The following ZNF804B variants were observed in gnomAD, a reference collection of about 807,000 sequenced individuals.
ZNF804B encodes zinc finger 804B.
Under a neutral mutation model 101.4 loss-of-function variants are expected in ZNF804B, and 80 were observed. The observed-to-expected ratio is 0.79, with a 90% CI of 0.66 to 0.95. The LOEUF (loss-of-function observed/expected upper bound fraction) is 0.95, where lower values mean the gene tolerates loss of function less well. Ranked by LOEUF, ZNF804B falls within the 40% of genes least tolerant of loss-of-function variation. ZNF804B has a pLI of 0.00. For missense variants in ZNF804B, 1,673 were observed against 1,561.9 expected (o/e 1.07, Z -1.20); for synonymous variants, 622 against 558.8 (o/e 1.11, Z -1.59).
At chr7:88,875,417 A>G (rs9655737) in intron 1 of ZNF804B, among the ~76,000 whole-genome samples, 4,318 of 152,298 alleles carry the variant, frequency 0.028, 218 homozygotes, top group African/African-American at 0.098. Context: ...TGCTAGCAAG[A>G]CTAATAAAGA....
chr7:89,039,362 G>A (rs1788979634), intron 1 of ZNF804B, among the ~76,000 whole-genome samples: 1 of 151,762 alleles, frequency 6.6e-6, no homozygotes, highest in Admixed American at 6.6e-5. Context: ...CCATTATTTT[G>A]TGTTCTTTAA....
chr7:89,217,807 A>G (rs920092030), intron 1 of ZNF804B, among the ~76,000 whole-genome samples: 1 of 152,162 alleles, frequency 6.6e-6, no homozygotes, highest in Non-Finnish European at 1.5e-5. Context: ...ATAGGACACT[A>G]AAATTTAAGG....
At chr7:89,058,512 A>C (rs1562872983) in intron 1 of ZNF804B, among the ~76,000 whole-genome samples, 1 of 152,132 alleles carries the variant, frequency 6.6e-6, no homozygotes, top group Admixed American at 6.6e-5. Context: ...CTACTAAACA[A>C]ACACTCTGTT....
intron 2 of ZNF804B, among the ~76,000 whole-genome samples, chr7:89,317,036 G>A (rs1463779152): frequency 1.3e-5 from 2 of 152,270 alleles, no homozygotes; most frequent in Middle Eastern, 3.4e-3. Context: ...CTACAATGGA[G>A]GGAGGTCAGG....
At chr7:89,280,812 A>T (rs975663559) in intron 2 of ZNF804B, among the ~76,000 whole-genome samples, 1 of 152,238 alleles carries the variant, frequency 6.6e-6, no homozygotes, top group Non-Finnish European at 1.5e-5. Context: ...TCACAGCCGA[A>T]TTCTACCAGA....
intron 1 of ZNF804B, among the ~76,000 whole-genome samples, chr7:88,919,108 T>C (rs964015460): frequency 1.3e-5 from 2 of 152,170 alleles, no homozygotes; most frequent in East Asian, 3.8e-4. Context: ...TAAAGCTATA[T>C]GTTTAGATAT....
At chr7:89,155,109 C>A (rs1435718214) in intron 1 of ZNF804B, among the ~76,000 whole-genome samples, 1 of 152,078 alleles carries the variant, frequency 6.6e-6, no homozygotes, top group Non-Finnish European at 1.5e-5. Context: ...TCTAGAGTCA[C>A]CGGCTCCACC....
intron 1 of ZNF804B, among the ~76,000 whole-genome samples, chr7:88,776,091 T>A (rs1790136249): frequency 6.6e-6 from 1 of 152,226 alleles, no homozygotes; most frequent in African/African-American, 2.4e-5. Context: ...GGTTGTTCAC[T>A]TGTGGTGTTA....
chr7:89,010,573 A>C (rs1483651063), intron 1 of ZNF804B, among the ~76,000 whole-genome samples: 1 of 152,210 alleles, frequency 6.6e-6, no homozygotes, highest in Non-Finnish European at 1.5e-5. Context: ...TTGCTCACTG[A>C]AAATAGTTTC....
chr7:88,782,102 C>CGTGT (rs72225764), intron 1 of ZNF804B, among the ~76,000 whole-genome samples: 2,017 of 142,060 alleles, frequency 0.014, 27 homozygotes, highest in African/African-American at 0.036. Flanking sequence ...TGTGTGAGTG[C>CGTGT]GTGTGTGTGT....
At chr7:89,137,435 G>T (rs1790654367) in intron 1 of ZNF804B, among the ~76,000 whole-genome samples, 1 of 152,084 alleles carries the variant, frequency 6.6e-6, no homozygotes, top group Non-Finnish European at 1.5e-5. Context: ...AGATGGAGAT[G>T]AGGAATTTGT....
At chr7:89,105,229 G>A (rs1451827671) in intron 1 of ZNF804B, among the ~76,000 whole-genome samples, 1 of 151,994 alleles carries the variant, frequency 6.6e-6, no homozygotes, top group Non-Finnish European at 1.5e-5. Context: ...CCAGTCTTAA[G>A]GCTTGACCCA....
intron 2 of ZNF804B, among the ~76,000 whole-genome samples, chr7:89,262,179 G>T (rs1014137521): frequency 2.0e-5 from 3 of 152,212 alleles, no homozygotes; most frequent in East Asian, 1.9e-4. Context: ...AGGAGAAAAA[G>T]AATCTATCAA....
intron 1 of ZNF804B, among the ~76,000 whole-genome samples, chr7:88,947,446 A>G (rs1483055795): frequency 1.3e-5 from 2 of 151,844 alleles, no homozygotes; most frequent in Non-Finnish European, 2.9e-5. Flanking sequence ...GTTCTCACTC[A>G]TAAGTGGGAG....
At chr7:89,230,972 C>A (rs1789183949) in intron 2 of ZNF804B, among the ~76,000 whole-genome samples, 1 of 151,946 alleles carries the variant, frequency 6.6e-6, no homozygotes, top group East Asian at 1.9e-4. Flanking sequence ...TTTTACAGTT[C>A]TTCATATATT....
Position 89,192,046 on chromosome 7 carries a change from A to T in ZNF804B, c.109-26109A>T, listed in dbSNP as rs372205962. On this transcript the variant is annotated intron_variant, in intron 1 of 3. Coordinates refer to ENST00000333190, the MANE Select transcript of ZNF804B (RefSeq NM_181646.5). Reference sequence around the variant, plus strand: ...AATATCTGTCTAGAACTTTTCTAAAAATGGGAGCTTAAGGATTCTTATTAG... The same window carrying T: ...AATATCTGTCTAGAACTTTTCTAAATATGGGAGCTTAAGGATTCTTATTAG... Among the ~76,000 whole-genome samples the T allele has an allele frequency of 9.2e-5, 14 of 152,214 alleles. 1 individual carries two copies. In the East Asian group the frequency reaches 2.1e-3, roughly 23 times the overall value.
At chr7:89,095,065 T>C (rs915286573) in intron 1 of ZNF804B, among the ~76,000 whole-genome samples, 1 of 152,198 alleles carries the variant, frequency 6.6e-6, no homozygotes, top group African/African-American at 2.4e-5. Context: ...TTTTGTTGCC[T>C]CCAAAATTCA....
intron 1 of ZNF804B, among the ~76,000 whole-genome samples, chr7:89,150,796 C>T (rs914640632): frequency 1.3e-5 from 2 of 152,012 alleles, no homozygotes; most frequent in Admixed American, 1.3e-4. Flanking sequence ...AGACAGAGAG[C>T]TTGGCTGAGG....
At chr7:88,826,014 TAATAA>T (rs1182125559) in intron 1 of ZNF804B, among the ~76,000 whole-genome samples, 3 of 152,336 alleles carry the variant, frequency 2.0e-5, no homozygotes, top group Admixed American at 2.0e-4. Flanking sequence ...TTTTGCTTTA[TAATAA>T]AATAGGAAGA....
Sources: gnomAD v4.1 joint callset for allele counts (sites outside exome capture counted in the v4.1 genomes callset) on GRCh38, gnomAD v4.1.1 for gene constraint, MANE v1.5 for transcripts, NCBI Gene and HGNC (gene_info 2026-07-23, HGNC 2026-07-21) for gene names.